The following COL2A1 variants were observed in gnomAD, a reference collection of about 807,000 sequenced individuals.
COL2A1 encodes collagen alpha-1(II) chain.
Under a neutral mutation model 204.5 loss-of-function variants are expected in COL2A1, and 28 were observed. The ratio of observed to expected loss-of-function variants is 0.14; its 90% CI spans 0.10 to 0.19. The LOEUF (loss-of-function observed/expected upper bound fraction) is 0.19, where lower values mean the gene tolerates loss of function less well. Among genes scored for constraint, COL2A1 ranks in the 10% least tolerant of loss-of-function variants. The pLI is 1.00. For synonymous variants in COL2A1, 708 were observed against 718.7 expected (o/e 0.99, Z 0.24); for missense variants, 1,388 against 2,027.5 (o/e 0.68, Z 6.06).
At position 47,985,615 on chromosome 12, in the gene COL2A1, G is replaced by T. The variant is rs781552802; in HGVS notation, c.1681-28C>A. The T allele has an allele frequency of 3.7e-6, 6 of 1,613,494 alleles. No individual in the cohort carries two copies. In the African/African-American group the frequency reaches 8.0e-5, roughly 22 times the overall value. On this transcript the variant is annotated intron_variant, in intron 25 of 53. Coordinates refer to ENST00000380518, the MANE Select transcript of COL2A1 (RefSeq NM_001844.5). ...TTGTTCAGGAGAGAGAAGAGGGTGG[G>T]GTCAGGAGCCGGCCCCAGGACCTCC...
At chr12:47,979,940 C>T in intron 40 of COL2A1, 69 bp downstream of exon 40, 1 of 1,400,870 alleles carries the variant, frequency 7.1e-7, no homozygotes, top group South Asian at 1.3e-5. Context: ...AGAACACCCC[C>T]GCCATGGGAG....
At chr12:47,998,231 C>CCGAG (rs757470757) in intron 3 of COL2A1, 30 bp from the exon 4 acceptor site, 7 of 1,614,010 alleles carry the variant, frequency 4.3e-6, no homozygotes, top group Non-Finnish European at 5.9e-6. Context: ...CAGGATTAAG[C>CCGAG]CGAGTAAGCC....
At chr12:47,996,000 A>G in intron 8 of COL2A1, 81 bp from the exon 9 acceptor site, 2 of 1,167,168 alleles carry the variant, frequency 1.7e-6, no homozygotes, top group Non-Finnish European at 2.6e-6. Flanking sequence ...CCCAGCCAAC[A>G]GCCCGGGCAA....
In COL2A1 at chr12:47,978,443, C is replaced by G; in HGVS notation, c.2896-45G>C. 6.3e-7 allele frequency: 1 copy of G among 1,595,996 alleles called. No individual in the cohort carries two copies. Among genetic ancestry groups the G allele is most frequent in the South Asian group, 1.1e-5 (1 of 89,454 alleles). On this transcript the variant is annotated intron_variant, in intron 42 of 53. Coordinates refer to ENST00000380518, the MANE Select transcript of COL2A1 (RefSeq NM_001844.5). This position sits in a 1 kb window ranked among gnomAD's most constrained non-coding sequence, Gnocchi z 5.5. ...AGATGAGAACTGACAGTGGCCCAGC[C>G]TCTTCTGTCCTCTCAGCACAGCTCT...
At chr12:47,979,462 A>C (rs1938914282) in intron 41 of COL2A1, 49 bp downstream of exon 41, 1 of 1,594,644 alleles carries the variant, frequency 6.3e-7, no homozygotes, top group East Asian at 2.2e-5. Context: ...GTGCTGGGCC[A>C]GGCTATTCCA....
At chr12:47,979,951 C>T (rs577235567) in intron 40 of COL2A1, 58 bp downstream of exon 40, 2 of 1,448,260 alleles carry the variant, frequency 1.4e-6, no homozygotes, top group East Asian at 2.5e-5. Context: ...GCCATGGGAG[C>T]CTCTGGGGCC....
Position 47,978,393 on chromosome 12 carries a change from G to T in COL2A1, c.2901C>A (p.Ala967=), listed in dbSNP as rs148449532. The change falls in exon 43 of 54, where the codon GCC becomes GCA. Residue 967 remains alanine, a synonymous_variant. Coordinates refer to ENST00000380518, the MANE Select transcript of COL2A1 (RefSeq NM_001844.5). This position sits in a 1 kb window ranked among gnomAD's most constrained non-coding sequence, Gnocchi z 5.5. ...GACCCTGGGGACCTGGTGGACCTTC[G>T]GCACCCTGAGAGAGGAGAGGCAGGA... ...GEPGDDGPSG[A]EGPPGPQGLA... The T allele has an allele frequency of 1.9e-6, 3 of 1,613,840 alleles. No homozygotes were observed. Among genetic ancestry groups the T allele is most frequent in the Non-Finnish European group, 2.5e-6 (3 of 1,179,928 alleles).
chr12:47,989,195 C>G (rs1256857473), intron 18 of COL2A1, 33 bp downstream of exon 18: 16 of 1,593,156 alleles, frequency 1.0e-5, no homozygotes, highest in Non-Finnish European at 1.3e-5. Flanking sequence ...TCTCGGCACC[C>G]AGAAGTTCCT....
At chr12:47,999,870 G>C in intron 2 of COL2A1, 49 bp downstream of exon 2, 1 of 1,528,500 alleles carries the variant, frequency 6.5e-7, no homozygotes, top group Non-Finnish European at 9.1e-7. Flanking sequence ...TGTTTGCAGT[G>C]CTTGCAAGTA....
At chr12:47,996,281 G>A (rs890998375) in intron 8 of COL2A1, among the ~76,000 whole-genome samples, 1 of 152,192 alleles carries the variant, frequency 6.6e-6, no homozygotes, top group Non-Finnish European at 1.5e-5. Context: ...CTCATTCCAA[G>A]AGCAATAGCA....
chr12:47,999,433 C>G (rs1009343259), intron 2 of COL2A1, among the ~76,000 whole-genome samples: 2 of 152,314 alleles, frequency 1.3e-5, no homozygotes, highest in Admixed American at 6.5e-5. Flanking sequence ...TGTTCCATAA[C>G]TCAAAGAGGG....
chr12:47,978,148 C>A lies in COL2A1; in HGVS notation c.3004-31G>T. 4 of 1,601,852 alleles carry A rather than the reference C, an allele frequency of 2.5e-6. No individual in the cohort carries two copies. The highest frequency in any genetic ancestry group is 3.4e-6 in the Non-Finnish European group (4 of 1,172,324). On this transcript the variant is annotated intron_variant, in intron 43 of 53. Coordinates refer to ENST00000380518, the MANE Select transcript of COL2A1 (RefSeq NM_001844.5). The surrounding 1 kb of genome is among the most constrained non-coding windows in gnomAD (Gnocchi z 5.5). ...GGGACAGAGACAAGGATGATGAGTG[C>A]AAGTGGTAAGCACCCCTGCCCAGGG... is the stretch of plus-strand genomic sequence containing the variant.
At chr12:48,004,130 C>T in intron 1 of COL2A1, 107 bp downstream of exon 1, 1 of 831,682 alleles carries the variant, frequency 1.2e-6, no homozygotes, top group Non-Finnish European at 2.0e-6. Flanking sequence ...CCCCGGGAGC[C>T]GTTTTAGCCC....
intron 7 of COL2A1, 107 bp from the exon 8 acceptor site, chr12:47,996,732 G>T: frequency 1.1e-6 from 1 of 888,604 alleles, no homozygotes; most frequent in Non-Finnish European, 1.9e-6. Context: ...GATAAACTCT[G>T]ATTGTTGGAG....
intron 35 of COL2A1, 63 bp downstream of exon 35, chr12:47,982,044 G>C (rs1219280123): frequency 3.9e-6 from 6 of 1,540,544 alleles, no homozygotes; most frequent in Middle Eastern, 1.7e-4. Context: ...CCTCTCTCCT[G>C]CTCTCCTGGG....
chr12:47,974,578 A>T (rs1175144715), intron 52 of COL2A1, 97 bp downstream of exon 52: 1 of 1,423,468 alleles, frequency 7.0e-7, no homozygotes, highest in Non-Finnish European at 9.9e-7. Flanking sequence ...AAACTGGAGG[A>T]AAATATGGGG....
chr12:47,984,621 G>A, intron 27 of COL2A1, 22 bp from the exon 28 acceptor site: 2 of 1,613,300 alleles, frequency 1.2e-6, no homozygotes, highest in African/African-American at 1.3e-5. Flanking sequence ...AGAGGGCAGG[G>A]CCATGAGGCG....
At chr12:47,983,867 G>T in intron 29 of COL2A1, 131 bp from the exon 30 acceptor site, 1 of 1,034,244 alleles carries the variant, frequency 9.7e-7, no homozygotes, top group Non-Finnish European at 1.5e-6. Flanking sequence ...GACAGTGCAT[G>T]CATGCCTCCC....
chr12:47,995,696 G>A lies in COL2A1; in HGVS notation c.708+14C>T, dbSNP rs769173275. On this transcript the variant is annotated intron_variant, in intron 10 of 53. Transcript: ENST00000380518. The stretch of plus-strand genomic sequence containing the variant: ...GCTCCCCCAGAGAAGGGACAGGGCC[G>A]TGCTGGTACTCACAGAGACACCAGG... The A allele has an allele frequency of 1.8e-5, 29 of 1,613,380 alleles. 1 individual carries two copies. The highest frequency in any genetic ancestry group is 1.5e-4 in the Admixed American group (9 of 59,998).
Sources: allele counts gnomAD v4.1 joint callset (sites outside exome capture counted in the v4.1 genomes callset), GRCh38; gene constraint gnomAD v4.1.1; non-coding constraint Gnocchi (gnomAD v3.1); transcripts MANE v1.5; gene names NCBI Gene and HGNC (gene_info 2026-07-23, HGNC 2026-07-21).